Variants in LRRC9 observed in about 807,000 individuals in gnomAD.
LRRC9 encodes leucine-rich repeat-containing protein 9.
In LRRC9, 122 loss-of-function variants were observed where a neutral mutation model predicts 63.2. The observed-to-expected ratio is 1.93, with a 90% CI of 1.67 to 2.24. The LOEUF (loss-of-function observed/expected upper bound fraction) is 2.24. Ranked by LOEUF, LRRC9 falls within the 30% of genes most tolerant of loss-of-function variation. LRRC9 has a pLI of 0.00. For missense variants in LRRC9, 1,071 were observed against 627.7 expected, an observed-to-expected ratio of 1.71 and a Z score of -7.55; for synonymous variants, 366 against 213.1, an observed-to-expected ratio of 1.72 and a Z score of -6.25.
intron 29 of LRRC9, among the ~76,000 whole-genome samples, chr14:60,041,266 C>T (rs564098183): frequency 7.2e-5 from 11 of 152,010 alleles, no homozygotes; most frequent in East Asian, 1.9e-4. Context: ...GGAGTATCTT[C>T]GTGGCATTCT....
Position 59,932,044 on chromosome 14 carries a change from G to A in LRRC9, c.543+5G>A, listed in dbSNP as rs1889753545. Reference sequence around the variant, plus strand: ...AACCAAATATGTTCTTTCAAGGTATGTTTAAGTGGAATAATTAATTTTTAT... The same window carrying A: ...AACCAAATATGTTCTTTCAAGGTATATTTAAGTGGAATAATTAATTTTTAT... On this transcript the variant is annotated splice_donor_5th_base_variant and intron_variant, in intron 6 of 31. Coordinates refer to ENST00000445360, the Ensembl canonical transcript of LRRC9. The surrounding 1 kb of genome is among the most constrained non-coding windows in gnomAD (Gnocchi z 4.7). 1 of 696,146 alleles carries A rather than the reference G, an allele frequency of 1.4e-6. No individual in the cohort carries two copies. The highest frequency in any genetic ancestry group is 2.6e-6 in the Non-Finnish European group (1 of 382,316). The allele number at this position is 696,146 out of a possible 1,614,324, so 43.1% of individuals were successfully genotyped here.
At chr14:59,975,151 G>A (rs369898365) in intron 13 of LRRC9, among the ~76,000 whole-genome samples, 242 of 10,262 alleles carry the variant, frequency 0.024, 22 homozygotes, top group Middle Eastern at 0.17. Flanking sequence ...ATATATATAT[G>A]TATATATATA....
At chr14:59,970,157 TTA>T (rs1203079024) in intron 12 of LRRC9, among the ~76,000 whole-genome samples, 3 of 150,362 alleles carry the variant, frequency 2.0e-5, no homozygotes, top group Admixed American at 6.6e-5. Context: ...TTGTTCCTCT[TTA>T]TGTGTTCATG....
intron 8 of LRRC9, among the ~76,000 whole-genome samples, chr14:59,955,046 A>G (rs954344540): frequency 6.6e-6 from 1 of 152,224 alleles, no homozygotes. Context: ...TTGGTTTGCC[A>G]GTATTTTATT....
At position 60,003,110 on chromosome 14, in the gene LRRC9, A is replaced by G. The variant is rs1338266578; in HGVS notation, c.2665-511A>G. The stretch of plus-strand genomic sequence containing the variant: ...GCATTACTTTTATTACAAGATATAT[A>G]TAGATATTGAGCTGCAAATGAAGGC... On this transcript the variant is annotated intron_variant, in intron 20 of 31. Transcript: ENST00000445360. The surrounding 1 kb of genome is among the most constrained non-coding windows in gnomAD (Gnocchi z 4.2). Among the ~76,000 whole-genome samples, 1 of 152,226 alleles carries G rather than the reference A, an allele frequency of 6.6e-6. No homozygotes were observed. Among genetic ancestry groups the G allele is most frequent in the Admixed American group, 6.5e-5 (1 of 15,286 alleles).
rs146176776 is a variant in LRRC9 at position 60,021,064 on chromosome 14, G to A, written c.3567-1670G>A. On this transcript the variant is annotated intron_variant, in intron 26 of 31. Transcript: ENST00000445360. ...TTAACATTTAGCTATTTAAGAAACC[G>A]CTAAACTGTTTTCCAAAATGGTTGC... Among the ~76,000 whole-genome samples the A allele has an allele frequency of 1.8e-3, 277 of 151,946 alleles. 1 individual carries two copies. Among genetic ancestry groups the A allele is most frequent in the African/African-American group, 6.1e-3 (252 of 41,526 alleles).
intron 29 of LRRC9, among the ~76,000 whole-genome samples, chr14:60,035,211 T>A (rs1892330212): frequency 6.6e-6 from 1 of 152,180 alleles, no homozygotes; most frequent in Admixed American, 6.6e-5. Flanking sequence ...TATTTTTTGC[T>A]GTTAAGTTGT....
chr14:59,975,113 G>GTATA (rs749565284), intron 13 of LRRC9, among the ~76,000 whole-genome samples: 10 of 13,534 alleles, frequency 7.4e-4, no homozygotes, highest in African/African-American at 1.1e-3. Context: ...ATATATATAT[G>GTATA]TATATATATA....
chr14:60,018,210 G>A lies in LRRC9; in HGVS notation c.3318-161G>A, dbSNP rs80264317. 6.1e-3 allele frequency: 3,369 copies of A among 548,388 alleles called. 161 individuals are homozygous for A. In the East Asian group the frequency reaches 0.079, roughly 13 times the overall value. The allele number at this position is 548,388 out of a possible 1,614,324, so 34.0% of individuals were successfully genotyped here. ...ACCCAACAAAAATGTATATTCAGCCGATCATTTAACCAATTCATTTTACAT... is the reference window on the plus strand; with the variant it reads ...ACCCAACAAAAATGTATATTCAGCCAATCATTTAACCAATTCATTTTACAT... On this transcript the variant is annotated intron_variant, in intron 24 of 31. Transcript: ENST00000445360.
In LRRC9 at chr14:59,932,853, T is replaced by C. The variant is rs1889816761; in HGVS notation, c.543+814T>C. On this transcript the variant is annotated intron_variant, in intron 6 of 31. Coordinates refer to ENST00000445360, the Ensembl canonical transcript of LRRC9. This position sits in a 1 kb window ranked among gnomAD's most constrained non-coding sequence, Gnocchi z 4.7. ...AGAAGCCTGATGGAACCTTTAAAAATCTGTCAGATAAAAATCACCCTTCTG... is the reference window on the plus strand; with the variant it reads ...AGAAGCCTGATGGAACCTTTAAAAACCTGTCAGATAAAAATCACCCTTCTG... 6.6e-6 allele frequency among the ~76,000 whole-genome samples: 1 copy of C among 152,124 alleles called. No individual in the cohort carries two copies. Among genetic ancestry groups the C allele is most frequent in the African/African-American group, 2.4e-5 (1 of 41,428 alleles).
Position 59,922,746 on chromosome 14 carries a change from G to A in LRRC9, c.-34+2863G>A, listed in dbSNP as rs747701927. On this transcript the variant is annotated intron_variant, in intron 1 of 31. Transcript: ENST00000445360. This position sits in a 1 kb window ranked among gnomAD's most constrained non-coding sequence, Gnocchi z 5.3. ...GGTCAAGATCATCTACTGAGAGAGA[G>A]ACCTTGAAAAGAGTGGTGAAAGTTT... 4.6e-5 allele frequency among the ~76,000 whole-genome samples: 7 copies of A among 152,278 alleles called. No individual in the cohort carries two copies. The highest frequency in any genetic ancestry group is 1.0e-4 in the Non-Finnish European group (7 of 68,018).
intron 29 of LRRC9, among the ~76,000 whole-genome samples, chr14:60,049,990 C>CATTTT (rs201161813): frequency 0.013 from 2,032 of 151,542 alleles, 55 homozygotes; most frequent in African/African-American, 0.047. Context: ...TTCTATCTGT[C>CATTTT]ATTTTATTTT....
intron 29 of LRRC9, among the ~76,000 whole-genome samples, chr14:60,038,737 T>G (rs569585077): frequency 6.6e-6 from 1 of 152,312 alleles, no homozygotes; most frequent in East Asian, 1.9e-4. Flanking sequence ...CTTCCTCTTT[T>G]CCTAACTGAA....
rs1891991710 is a variant in LRRC9, at chr14:60,031,536, A to G, written c.3922-459A>G. 6.6e-6 allele frequency among the ~76,000 whole-genome samples: 1 copy of G among 152,104 alleles called. No homozygotes were observed. Among genetic ancestry groups the G allele is most frequent in the Admixed American group, 6.6e-5 (1 of 15,240 alleles). On this transcript the variant is annotated intron_variant, in intron 28 of 31. Coordinates refer to ENST00000445360, the Ensembl canonical transcript of LRRC9. This position sits in a 1 kb window ranked among gnomAD's most constrained non-coding sequence, Gnocchi z 4.6. ...ACATGAGAAATAGTTTTTCAGCTAT[A>G]TATATTCCCAGCAAGTACATCAAGA...
At position 60,004,298 on chromosome 14, in the gene LRRC9, C is replaced by T. The variant is rs937036880; in HGVS notation, c.2842+500C>T. Among the ~76,000 whole-genome samples, 3 of 151,876 alleles carry T rather than the reference C, an allele frequency of 2.0e-5. No homozygotes were observed. The highest frequency in any genetic ancestry group is 7.3e-5 in the African/African-American group (3 of 41,360). On this transcript the variant is annotated intron_variant, in intron 21 of 31. Transcript: ENST00000445360. The surrounding 1 kb of genome is among the most constrained non-coding windows in gnomAD (Gnocchi z 4.8). ...ATGCTTTTGAAAAAGATAAAGCAGA[C>T]TAGTTCTGTTTTGAAAATATAAAAT...
At chr14:59,991,889 G>A (rs560742383) in intron 17 of LRRC9, among the ~76,000 whole-genome samples, 1 of 152,334 alleles carries the variant, frequency 6.6e-6, no homozygotes, top group Non-Finnish European at 1.5e-5. Flanking sequence ...TCTGGGGGCA[G>A]GGCATTGCCA....
intron 28 of LRRC9, chr14:60,030,467 C>T (rs949209049): frequency 4.6e-5 from 7 of 152,008 alleles, no homozygotes; most frequent in African/African-American, 1.7e-4. Flanking sequence ...GTAAATGATT[C>T]CCCTACCTGG....
At chr14:60,016,820 C>T in intron 24 of LRRC9, 30 bp downstream of exon 24, 1 of 632,664 alleles carries the variant, frequency 1.6e-6, no homozygotes, top group Non-Finnish European at 2.9e-6. Flanking sequence ...TGCCTTTTTA[C>T]ATTATAATTA....
chr14:60,063,525 T>C, exon 32 of LRRC9: 1 of 513,054 alleles, frequency 1.9e-6, no homozygotes, highest in South Asian at 3.0e-5. Flanking sequence ...TTACCCTTCA[T>C]GAACTTGATT....
Sources: allele counts gnomAD v4.1 joint callset (sites outside exome capture counted in the v4.1 genomes callset), GRCh38; gene constraint gnomAD v4.1.1; non-coding constraint Gnocchi (gnomAD v3.1); transcripts MANE v1.5; gene names NCBI Gene and HGNC (gene_info 2026-07-23, HGNC 2026-07-21).